GUCY1A2: variants seen among roughly 807,000 people sequenced by gnomAD.
GUCY1A2 encodes guanylate cyclase soluble subunit alpha-2.
Under a neutral mutation model 63.5 loss-of-function variants are expected in GUCY1A2, and 27 were observed. The observed-to-expected ratio is 0.43, with a 90% CI of 0.31 to 0.59. The LOEUF is 0.59. Among genes scored for constraint, GUCY1A2 ranks in the 20% least tolerant of loss-of-function variants. The probability of loss-of-function intolerance (pLI) is 0.11; values close to 1 mark genes in which losing one functional copy is unlikely to be tolerated. For missense variants in GUCY1A2, 768 were observed against 913.3 expected, an observed-to-expected ratio of 0.84 and a Z score of 2.05; for synonymous variants, 364 against 343.5, an observed-to-expected ratio of 1.06 and a Z score of -0.66.
chr11:106,827,716 T>A, intron 4 of GUCY1A2: 1 of 1,543,394 alleles, frequency 6.5e-7, no homozygotes, highest in Non-Finnish European at 9.0e-7. Flanking sequence ...TCTTCCAATA[T>A]TTTAGAAATC....
At chr11:106,893,674 G>A (rs997794556) in intron 4 of GUCY1A2, among the ~76,000 whole-genome samples, 1 of 152,008 alleles carries the variant, frequency 6.6e-6, no homozygotes, top group African/African-American at 2.4e-5. Context: ...GATGTCACTG[G>A]GCAAACCACT....
intron 4 of GUCY1A2, among the ~76,000 whole-genome samples, chr11:106,866,498 T>C (rs1817664): frequency 0.13 from 20,209 of 152,106 alleles, 1,395 homozygotes; most frequent in Non-Finnish European, 0.15. Context: ...AACTATTCTG[T>C]GCTCAGGCAG....
In GUCY1A2 at chr11:106,955,978, G is replaced by A. The variant is rs779047992; in HGVS notation, c.488-15800C>T. 3.4e-4 allele frequency among the ~76,000 whole-genome samples: 51 copies of A among 151,754 alleles called. 1 individual carries two copies. Among genetic ancestry groups the A allele is most frequent in the Non-Finnish European group, 6.9e-4 (47 of 67,966 alleles). On this transcript the variant is annotated intron_variant, in intron 3 of 7. Transcript: ENST00000526355. ...CCTTTTATCAAGTCCCATACTTCTTGAAGACTTTGATCATTCTTTTTTCTC... is the reference window on the plus strand; with the variant it reads ...CCTTTTATCAAGTCCCATACTTCTTAAAGACTTTGATCATTCTTTTTTCTC...
chr11:106,851,214 G>A (rs1373773331), intron 4 of GUCY1A2, among the ~76,000 whole-genome samples: 1 of 151,220 alleles, frequency 6.6e-6, no homozygotes, highest in Non-Finnish European at 1.5e-5. Flanking sequence ...GTTTTTTGCT[G>A]TTGATTTGTC....
At chr11:106,856,036 C>G (rs1347960165) in intron 4 of GUCY1A2, among the ~76,000 whole-genome samples, 1 of 151,722 alleles carries the variant, frequency 6.6e-6, no homozygotes, top group Non-Finnish European at 1.5e-5. Flanking sequence ...GGTGATCCTC[C>G]CACCTCAGCC....
At chr11:106,997,357 A>G in intron 1 of GUCY1A2, among the ~76,000 whole-genome samples, 1 of 152,102 alleles carries the variant, frequency 6.6e-6, no homozygotes, top group East Asian at 1.9e-4. Context: ...GGCTTTTGTC[A>G]CTTTGCTCCT....
rs1862451866 is a variant in GUCY1A2, at chr11:106,682,701, A to G, written c.*4848T>C. 4.7e-6 allele frequency: 1 copy of G among 210,992 alleles called. No individual in the cohort carries two copies. Among genetic ancestry groups the G allele is most frequent in the Admixed American group, 5.9e-5 (1 of 16,974 alleles). 13.1% of individuals were successfully genotyped at this position (210,992 alleles called of 1,614,324 possible). ...ATCTACATTCAATAAACACAGATGC[A>G]TACACACAAACTAAAAATATTAATC... On this transcript the variant is annotated 3_prime_UTR_variant, in exon 8 of 8. Transcript: ENST00000526355.
chr11:106,958,645 C>T (rs1260015476), intron 3 of GUCY1A2, among the ~76,000 whole-genome samples: 1 of 149,746 alleles, frequency 6.7e-6, no homozygotes, highest in African/African-American at 2.4e-5. Flanking sequence ...GAAACACACA[C>T]ACAGTATGTA....
chr11:106,944,215 C>CAAAAAAAAAAAAAAAAAA lies in GUCY1A2; in HGVS notation c.488-4055_488-4038dup, dbSNP rs71041701. Among the ~76,000 whole-genome samples, 115 of 21,576 alleles carry CAAAAAAAAAAAAAAAAAA rather than the reference C, an allele frequency of 5.3e-3. 32 individuals are homozygous for CAAAAAAAAAAAAAAAAAA. Among genetic ancestry groups the CAAAAAAAAAAAAAAAAAA allele is most frequent in the African/African-American group, 0.012 (52 of 4,298 alleles). 14.2% of individuals were successfully genotyped at this position (21,576 alleles called of 152,430 possible). ...GGGCAACAGAGTGAGACCCTGTCTC[C>CAAAAAAAAAAAAAAAAAA]AAAAAAAAAAAAAAAAAAAAAGCAG... is the stretch of plus-strand genomic sequence containing the variant. On this transcript the variant is annotated intron_variant, in intron 3 of 7. Coordinates refer to ENST00000526355, the MANE Select transcript of GUCY1A2 (RefSeq NM_000855.3).
Position 106,847,003 on chromosome 11 carries a change from A to T in GUCY1A2, c.1207-36525T>A, listed in dbSNP as rs542469960. On this transcript the variant is annotated intron_variant, in intron 4 of 7. Coordinates refer to ENST00000526355, the MANE Select transcript of GUCY1A2 (RefSeq NM_000855.3). ...CTAACAAGAGGATTAGATATAAGAA[A>T]ATAAAAGGTTCTGAAGGGGAAAATG... Among the ~76,000 whole-genome samples, 5 of 151,554 alleles carry T rather than the reference A, an allele frequency of 3.3e-5. No homozygotes were observed. In the South Asian group the frequency reaches 1.0e-3, roughly 31 times the overall value.
rs2135331961 is a variant in GUCY1A2 at position 106,686,406 on chromosome 11, T to C, written c.*1143A>G. 1 of 218,914 alleles carries C rather than the reference T, an allele frequency of 4.6e-6. No individual in the cohort carries two copies. The highest frequency in any genetic ancestry group is 2.2e-5 in the African/African-American group (1 of 44,648). The allele number at this position is 218,914 out of a possible 1,614,324, so 13.6% of individuals were successfully genotyped here. On this transcript the variant is annotated 3_prime_UTR_variant, in exon 8 of 8. Coordinates refer to ENST00000526355, the MANE Select transcript of GUCY1A2 (RefSeq NM_000855.3). ...AACATTTTTTAAAACCTCAAAGCCATAAAATACAGAGGTTTCCTTGCTTTG... is the reference window on the plus strand; with the variant it reads ...AACATTTTTTAAAACCTCAAAGCCACAAAATACAGAGGTTTCCTTGCTTTG...
chr11:106,722,126 T>C (rs1221175502), intron 6 of GUCY1A2, among the ~76,000 whole-genome samples: 1 of 152,164 alleles, frequency 6.6e-6, no homozygotes, highest in Non-Finnish European at 1.5e-5. Flanking sequence ...CAAATGTTCC[T>C]CTTTCCCTCT....
At chr11:106,878,646 G>C (rs1378108779) in intron 4 of GUCY1A2, among the ~76,000 whole-genome samples, 1 of 151,892 alleles carries the variant, frequency 6.6e-6, no homozygotes, top group East Asian at 1.9e-4. Flanking sequence ...GGTGGGAAGA[G>C]GGAGAGGATC....
At chr11:106,687,858 T>C (rs1164936312) in intron 7 of GUCY1A2, 102 bp from the exon 8 acceptor site, 4 of 729,632 alleles carry the variant, frequency 5.5e-6, no homozygotes, top group Non-Finnish European at 9.7e-6. Flanking sequence ...TGACTGTTCA[T>C]GGTAATACCT....
intron 4 of GUCY1A2, among the ~76,000 whole-genome samples, chr11:106,812,438 C>G (rs929936911): frequency 2.0e-5 from 3 of 151,582 alleles, no homozygotes; most frequent in Non-Finnish European, 4.4e-5. Flanking sequence ...TTCTGCTGGT[C>G]TCTCTTCTTC....
At chr11:107,001,225 A>G (rs1861608239) in intron 1 of GUCY1A2, among the ~76,000 whole-genome samples, 1 of 152,222 alleles carries the variant, frequency 6.6e-6, no homozygotes, top group Non-Finnish European at 1.5e-5. Flanking sequence ...GGGGATATAG[A>G]ATTATAAGTA....
intron 6 of GUCY1A2, among the ~76,000 whole-genome samples, chr11:106,769,897 CTT>C (rs1394141868): frequency 2.0e-5 from 3 of 151,998 alleles, no homozygotes; most frequent in African/African-American, 7.3e-5. Flanking sequence ...AAAGTACTAA[CTT>C]GAGTTTTATA....
At position 106,907,217 on chromosome 11, in the gene GUCY1A2, T is replaced by TC. The variant is rs545281498; in HGVS notation, c.1206+32242dup. On this transcript the variant is annotated intron_variant, in intron 4 of 7. Coordinates refer to ENST00000526355, the MANE Select transcript of GUCY1A2 (RefSeq NM_000855.3). ...AACTTCTTTTTGCCAAATAAAAGCT[T>TC]CCCCTTCCACTCCCCTCTTCAGGTG... 1.8e-4 allele frequency among the ~76,000 whole-genome samples: 27 copies of TC among 152,072 alleles called. No homozygotes were observed. In the East Asian group the frequency reaches 4.5e-3, roughly 25 times the overall value.
intron 1 of GUCY1A2, 71 bp downstream of exon 1, chr11:107,017,682 C>G: frequency 1.0e-6 from 1 of 967,750 alleles, no homozygotes; most frequent in Non-Finnish European, 1.4e-6. Flanking sequence ...CGCCCCGGCT[C>G]GCCCAGCGCC....
Sources: allele counts gnomAD v4.1 joint callset (sites outside exome capture counted in the v4.1 genomes callset), GRCh38; gene constraint gnomAD v4.1.1; transcripts MANE v1.5; gene names NCBI Gene and HGNC (gene_info 2026-07-23, HGNC 2026-07-21).